ARHGAP12: variants seen among roughly 807,000 people sequenced by gnomAD.
The protein encoded by ARHGAP12 is rho GTPase-activating protein 12.
A neutral mutation model predicts 108.6 loss-of-function variants in ARHGAP12; 64 were observed. That is an observed-to-expected ratio of 0.59 (90% confidence interval 0.48 to 0.73). The LOEUF is 0.73. Among genes scored for constraint, ARHGAP12 ranks in the 30% least tolerant of loss-of-function variants. The pLI is 0.00. For synonymous variants in ARHGAP12, 312 were observed against 337.2 expected, an observed-to-expected ratio of 0.93 and a Z score of 0.82; for missense variants, 940 against 1,005.9, an observed-to-expected ratio of 0.93 and a Z score of 0.89.
intron 1 of ARHGAP12, among the ~76,000 whole-genome samples, chr10:31,917,564 A>G (rs191534179): frequency 4.7e-4 from 71 of 152,320 alleles, no homozygotes; most frequent in Non-Finnish European, 7.8e-4. Flanking sequence ...AGGTATTCTG[A>G]AACTATACAC....
chr10:31,866,908 C>G (rs1265610052), intron 3 of ARHGAP12, among the ~76,000 whole-genome samples: 2 of 152,088 alleles, frequency 1.3e-5, no homozygotes, highest in Non-Finnish European at 2.9e-5. Flanking sequence ...CGTGAGCCAC[C>G]GTGCCCAGTC....
chr10:31,814,266 C>A lies in ARHGAP12; in HGVS notation c.1827G>T (p.Lys609Asn). The A allele has an allele frequency of 6.2e-7, 1 of 1,613,636 alleles. No homozygotes were observed. The highest frequency in any genetic ancestry group is 8.5e-7 in the Non-Finnish European group (1 of 1,179,648). Reference protein sequence around the residue: ...DKEKEQKDPKKLRSFKVSSID... With the variant: ...DKEKEQKDPKNLRSFKVSSID... ...AGGGAAAGGACAACTTACAACGAAG[C>A]TTTTTGGGATCCTTTTGTTCCTTTT... Residue 609 changes from lysine (K) to asparagine (N), a missense_variant, in exon 14 of 20, where the codon AAG (lysine) becomes AAT (asparagine). Lys to Asn is a moderately conservative substitution (Grantham distance 94). Transcript: ENST00000344936.
At chr10:31,833,773 CAGCT>C (rs1054372913) in intron 9 of ARHGAP12, among the ~76,000 whole-genome samples, 4 of 152,096 alleles carry the variant, frequency 2.6e-5, no homozygotes, top group Non-Finnish European at 5.9e-5. Flanking sequence ...GAACAGGAGT[CAGCT>C]AGACTGAAAC....
At chr10:31,863,352 G>A (rs1251063474) in intron 3 of ARHGAP12, among the ~76,000 whole-genome samples, 1 of 152,006 alleles carries the variant, frequency 6.6e-6, no homozygotes, top group Non-Finnish European at 1.5e-5. Flanking sequence ...AGAATATCTA[G>A]AGAATATTTA....
intron 9 of ARHGAP12, among the ~76,000 whole-genome samples, chr10:31,833,161 C>A (rs1835894502): frequency 6.6e-6 from 1 of 151,766 alleles, no homozygotes; most frequent in South Asian, 2.1e-4. Context: ...TAATTTGCCG[C>A]CTGCACCCCT....
At chr10:31,847,810 T>C (rs188402197) in intron 6 of ARHGAP12, among the ~76,000 whole-genome samples, 1 of 152,282 alleles carries the variant, frequency 6.6e-6, no homozygotes, top group Admixed American at 6.5e-5. Context: ...TGGTTAGGGA[T>C]GGCTGACTGG....
intron 11 of ARHGAP12, among the ~76,000 whole-genome samples, chr10:31,822,289 C>T (rs1028330197): frequency 1.3e-5 from 2 of 152,112 alleles, no homozygotes; most frequent in African/African-American, 2.4e-5. Flanking sequence ...AACAGCAGGC[C>T]GACGACGGAC....
chr10:31,808,439 C>T (rs1197484327), intron 19 of ARHGAP12: 2 of 442,450 alleles, frequency 4.5e-6, no homozygotes, highest in Non-Finnish European at 8.2e-6. Context: ...AAATACTTCA[C>T]ATATAATACC....
rs75392783 is a variant in ARHGAP12 at position 31,907,693 on chromosome 10, T to C, written c.684+479A>G. 5.8e-3 allele frequency among the ~76,000 whole-genome samples: 864 copies of C among 149,700 alleles called. 12 individuals are homozygous for C. The highest frequency in any genetic ancestry group is 0.02 in the African/African-American group (808 of 40,814). ...AAAATTTTTCCAGACTAATACTCAG[T>C]GAAATCAAGTGTGGATACTTAGACA... On this transcript the variant is annotated intron_variant, in intron 3 of 19. Transcript: ENST00000344936.
chr10:31,891,234 A>C (rs1838416509), intron 3 of ARHGAP12, among the ~76,000 whole-genome samples: 1 of 152,214 alleles, frequency 6.6e-6, no homozygotes, highest in African/African-American at 2.4e-5. Flanking sequence ...TTAGTTTATC[A>C]TCATCAATGA....
chr10:31,874,226 GC>G (rs942141363), intron 3 of ARHGAP12, among the ~76,000 whole-genome samples: 3 of 152,172 alleles, frequency 2.0e-5, no homozygotes, highest in Non-Finnish European at 4.4e-5. Context: ...ACATTTAAAT[GC>G]CCAACATACC....
chr10:31,878,789 T>C (rs1213912812), intron 3 of ARHGAP12, among the ~76,000 whole-genome samples: 3 of 152,236 alleles, frequency 2.0e-5, no homozygotes, highest in African/African-American at 7.2e-5. Context: ...AAAATGTTTG[T>C]TACTGGGCTC....
intron 3 of ARHGAP12, among the ~76,000 whole-genome samples, chr10:31,899,629 A>T (rs1366016422): frequency 1.3e-5 from 2 of 151,850 alleles, no homozygotes; most frequent in East Asian, 3.8e-4. Flanking sequence ...TGGAGAAAGA[A>T]AAGTCTTTTT....
chr10:31,854,223 A>T lies in ARHGAP12; in HGVS notation c.949-17T>A. Reference sequence around the variant, plus strand: ...TGAAAGAAGCTACAAATAGTCAGAAACATAAGGATTTTTCTTTTTTGAATA... The same window carrying T: ...TGAAAGAAGCTACAAATAGTCAGAATCATAAGGATTTTTCTTTTTTGAATA... On this transcript the variant is annotated splice_polypyrimidine_tract_variant and intron_variant, in intron 4 of 19. Transcript: ENST00000344936. 1 of 1,580,218 alleles carries T rather than the reference A, an allele frequency of 6.3e-7. No homozygotes were observed. Among genetic ancestry groups the T allele is most frequent in the Non-Finnish European group, 8.6e-7 (1 of 1,169,488 alleles).
At chr10:31,822,663 G>GT (rs2132174152) in intron 11 of ARHGAP12, among the ~76,000 whole-genome samples, 1 of 152,180 alleles carries the variant, frequency 6.6e-6, no homozygotes, top group South Asian at 2.1e-4. Context: ...ATCTTGATTA[G>GT]ACCCTGTCCA....
rs559371770 is a variant in ARHGAP12 at position 31,843,869 on chromosome 10, A to G, written c.1171-283T>C. Among the ~76,000 whole-genome samples, 52 of 152,324 alleles carry G rather than the reference A, an allele frequency of 3.4e-4. 1 individual carries two copies. Among genetic ancestry groups the G allele is most frequent in the African/African-American group, 1.2e-3 (51 of 41,584 alleles). ...GTTTTGTCAACTGTAAAGTGGATAT[A>G]ACAGAAATATCTCATTCACGGAGTT... On this transcript the variant is annotated intron_variant, in intron 6 of 19. Transcript: ENST00000344936.
chr10:31,858,182 G>A (rs1259732634), intron 4 of ARHGAP12, among the ~76,000 whole-genome samples: 1 of 152,108 alleles, frequency 6.6e-6, no homozygotes, highest in Admixed American at 6.5e-5. Flanking sequence ...CCCAGCCTGG[G>A]CAACAGAGCA....
chr10:31,822,276 T>C (rs1018795353), intron 11 of ARHGAP12, among the ~76,000 whole-genome samples: 26 of 152,158 alleles, frequency 1.7e-4, no homozygotes, highest in Admixed American at 9.2e-4. Context: ...ACTTTACATA[T>C]GCAACAGCAG....
rs188778611 is a variant in ARHGAP12, at chr10:31,903,508, A to G, written c.684+4664T>C. ...TACTTGATATAAAGGCATGATCTATAAAAGGGAAAACGGATAAACTGGACC... is the reference window on the plus strand; with the variant it reads ...TACTTGATATAAAGGCATGATCTATGAAAGGGAAAACGGATAAACTGGACC... On this transcript the variant is annotated intron_variant, in intron 3 of 19. Coordinates refer to ENST00000344936, the MANE Select transcript of ARHGAP12 (RefSeq NM_018287.7). 3.3e-5 allele frequency among the ~76,000 whole-genome samples: 5 copies of G among 152,324 alleles called. No homozygotes were observed. The East Asian group carries it at 9.6e-4, about 29-fold the overall frequency.
Sources: gnomAD v4.1 joint callset for allele counts (sites outside exome capture counted in the v4.1 genomes callset) on GRCh38, gnomAD v4.1.1 for gene constraint, MANE v1.5 for transcripts, NCBI Gene and HGNC (gene_info 2026-07-23, HGNC 2026-07-21) for gene names.